CMTM8: variants seen among roughly 807,000 people sequenced by gnomAD.
CMTM8 encodes CKLF like MARVEL transmembrane domain containing 8.
CMTM8 carries 12 observed loss-of-function variants against 18.6 expected under a neutral mutation model. The ratio of observed to expected loss-of-function variants is 0.65; its 90% CI spans 0.41 to 1.05. The LOEUF (loss-of-function observed/expected upper bound fraction) is 1.05, where lower values mean the gene tolerates loss of function less well. Among genes scored for constraint, CMTM8 ranks in the 50% least tolerant of loss-of-function variants. CMTM8 has a pLI of 0.00. For synonymous variants in CMTM8, 87 were observed against 90.6 expected, an observed-to-expected ratio of 0.96 and a Z score of 0.23; for missense variants, 217 against 227.2, an observed-to-expected ratio of 0.95 and a Z score of 0.29.
At chr3:32,269,526 G>A (rs1210866675) in intron 1 of CMTM8, among the ~76,000 whole-genome samples, 1 of 152,184 alleles carries the variant, frequency 6.6e-6, no homozygotes, top group Non-Finnish European at 1.5e-5. Context: ...CCAAAGCTCA[G>A]TTAACTAGGT....
intron 1 of CMTM8, chr3:32,259,640 G>A (rs1232666591): frequency 1.9e-5 from 26 of 1,339,928 alleles, no homozygotes; most frequent in Admixed American, 1.8e-4. Context: ...TGGGTTGACC[G>A]TGGAGGTAGA....
chr3:32,313,506 T>C (rs1363424981), intron 1 of CMTM8, among the ~76,000 whole-genome samples: 1 of 152,162 alleles, frequency 6.6e-6, no homozygotes, highest in Non-Finnish European at 1.5e-5. Flanking sequence ...GGTTATGCCA[T>C]GTTGCCCAGG....
chr3:32,357,108 G>A lies in CMTM8; in HGVS notation c.148-265G>A, dbSNP rs188196979. Among the ~76,000 whole-genome samples, 20 of 152,274 alleles carry A rather than the reference G, an allele frequency of 1.3e-4. No individual in the cohort carries two copies. The East Asian group carries it at 1.9e-3, about 15-fold the overall frequency. ...GTTGTAATTGACTTAGCCAGGCATG[G>A]TGCTGCACGCCTGTAATCCTAGCTA... On this transcript the variant is annotated intron_variant, in intron 1 of 3. Coordinates refer to ENST00000307526, the MANE Select transcript of CMTM8 (RefSeq NM_178868.5).
chr3:32,259,454 G>C, intron 1 of CMTM8: 1 of 786,358 alleles, frequency 1.3e-6, no homozygotes, highest in Non-Finnish European at 2.3e-6. Flanking sequence ...GACAGAACTG[G>C]CCATGTGCCA....
intron 1 of CMTM8, among the ~76,000 whole-genome samples, chr3:32,353,735 C>G (rs936710308): frequency 2.0e-5 from 3 of 151,236 alleles, no homozygotes; most frequent in Non-Finnish European, 4.4e-5. Flanking sequence ...ATTTTTATAA[C>G]TGGCGGATAG....
At chr3:32,320,015 G>A (rs936126298) in intron 1 of CMTM8, among the ~76,000 whole-genome samples, 2 of 152,206 alleles carry the variant, frequency 1.3e-5, no homozygotes, top group Non-Finnish European at 2.9e-5. Flanking sequence ...AAAAACTTGT[G>A]TTCCTTCCGA....
intron 1 of CMTM8, among the ~76,000 whole-genome samples, chr3:32,286,144 C>T (rs1702678758): frequency 6.6e-6 from 1 of 152,206 alleles, no homozygotes; most frequent in Non-Finnish European, 1.5e-5. Context: ...AGCATGCAGT[C>T]TCTGTTGTAG....
At chr3:32,282,873 C>T (rs926903412) in intron 1 of CMTM8, among the ~76,000 whole-genome samples, 5 of 152,180 alleles carry the variant, frequency 3.3e-5, no homozygotes, top group Admixed American at 6.5e-5. Context: ...TTCTCTTCTC[C>T]CTGCCTAGAA....
chr3:32,300,067 A>G (rs999747571), intron 1 of CMTM8, among the ~76,000 whole-genome samples: 2 of 152,258 alleles, frequency 1.3e-5, no homozygotes, highest in African/African-American at 2.4e-5. Context: ...CTTTGATCAT[A>G]CTTTTGCGTG....
chr3:32,345,109 C>A (rs1696570009), intron 1 of CMTM8, among the ~76,000 whole-genome samples: 1 of 151,998 alleles, frequency 6.6e-6, no homozygotes, highest in Non-Finnish European at 1.5e-5. Context: ...TTTGGGAGGC[C>A]GAGGTGGGCA....
At chr3:32,287,921 G>A (rs897003964) in intron 1 of CMTM8, among the ~76,000 whole-genome samples, 3 of 152,092 alleles carry the variant, frequency 2.0e-5, no homozygotes, top group African/African-American at 4.8e-5. Context: ...TCACAAGACA[G>A]TATTCCGTGC....
chr3:32,260,047 G>A, intron 1 of CMTM8: 1 of 1,149,476 alleles, frequency 8.7e-7, no homozygotes, highest in East Asian at 2.4e-5. Flanking sequence ...TGAACATCAA[G>A]GTCAAGCTGG....
At chr3:32,347,015 G>T (rs1297675489) in intron 1 of CMTM8, among the ~76,000 whole-genome samples, 2 of 151,542 alleles carry the variant, frequency 1.3e-5, no homozygotes, top group Admixed American at 1.3e-4. Context: ...TTAATGTAGA[G>T]ACAGAGTCTT....
At position 32,303,056 on chromosome 3, in the gene CMTM8, C is replaced by G. The variant is rs1695651952; in HGVS notation, c.148-54317C>G. Among the ~76,000 whole-genome samples, 4 of 152,220 alleles carry G rather than the reference C, an allele frequency of 2.6e-5. No individual in the cohort carries two copies. The South Asian group carries it at 8.3e-4, about 32-fold the overall frequency. Reference sequence around the variant, plus strand: ...GATTGCACAGCTTTCTCCCTTCCAGCAAATCCTTTTTGATCACTATTACAT... The same window carrying G: ...GATTGCACAGCTTTCTCCCTTCCAGGAAATCCTTTTTGATCACTATTACAT... On this transcript the variant is annotated intron_variant, in intron 1 of 3. Coordinates refer to ENST00000307526, the MANE Select transcript of CMTM8 (RefSeq NM_178868.5).
At chr3:32,333,009 A>G (rs1696310862) in intron 1 of CMTM8, among the ~76,000 whole-genome samples, 1 of 152,212 alleles carries the variant, frequency 6.6e-6, no homozygotes, top group African/African-American at 2.4e-5. Context: ...ATGTACATAG[A>G]TGGTAGCAGT....
intron 1 of CMTM8, among the ~76,000 whole-genome samples, chr3:32,260,936 T>C (rs897845572): frequency 6.6e-6 from 1 of 152,168 alleles, no homozygotes; most frequent in Non-Finnish European, 1.5e-5. Flanking sequence ...TAAAATGCTA[T>C]GAAGGTTGGA....
intron 3 of CMTM8, among the ~76,000 whole-genome samples, chr3:32,369,063 C>T (rs1695586697): frequency 6.6e-6 from 1 of 152,106 alleles, no homozygotes; most frequent in African/African-American, 2.4e-5. Flanking sequence ...AATCCCAGCA[C>T]TCTGGGAGGC....
Position 32,299,736 on chromosome 3 carries a change from G to T in CMTM8, c.148-57637G>T, listed in dbSNP as rs556581043. 9.2e-5 allele frequency among the ~76,000 whole-genome samples: 14 copies of T among 152,290 alleles called. No homozygotes were observed. The Middle Eastern group carries it at 0.014, about 148-fold the overall frequency. ...TAGAAAAAAGTTCAGGAAGATGACT[G>T]AGTGCCCTTTTAATATCCTACTAGA... On this transcript the variant is annotated intron_variant, in intron 1 of 3. Transcript: ENST00000307526.
intron 1 of CMTM8, among the ~76,000 whole-genome samples, chr3:32,265,726 AAG>A (rs1172947628): frequency 1.3e-5 from 2 of 152,232 alleles, no homozygotes; most frequent in Non-Finnish European, 2.9e-5. Context: ...TAAAGAAAAA[AAG>A]AGAGAAGAAT....
Sources: allele counts gnomAD v4.1 joint callset (sites outside exome capture counted in the v4.1 genomes callset), GRCh38; gene constraint gnomAD v4.1.1; transcripts MANE v1.5; gene names NCBI Gene and HGNC (gene_info 2026-07-23, HGNC 2026-07-21).